Variants in RUNX2 observed in about 807,000 individuals in gnomAD.
RUNX2 encodes the protein RUNX family transcription factor 2, also known as runt-related transcription factor 2.
RUNX2 carries 10 observed loss-of-function variants against 51.7 expected under a neutral mutation model. The ratio of observed to expected loss-of-function variants is 0.19; its 90% confidence interval spans 0.12 to 0.33. The LOEUF (loss-of-function observed/expected upper bound fraction) is 0.33. Among genes scored for constraint, RUNX2 ranks in the 10% least tolerant of loss-of-function variants. The pLI is 1.00. For missense variants in RUNX2, 562 were observed against 691.3 expected (o/e 0.81, Z 2.10); for synonymous variants, 276 against 273.6 (o/e 1.01, Z -0.09).
At chr6:45,384,772 C>T (rs2150344051) in intron 2 of RUNX2, among the ~76,000 whole-genome samples, 1 of 129,030 alleles carries the variant, frequency 7.8e-6, no homozygotes, top group Non-Finnish European at 1.5e-5. Flanking sequence ...GACTGGAGTG[C>T]AGTGGCACAA....
At chr6:45,438,287 T>C (rs1247155750) in intron 5 of RUNX2, among the ~76,000 whole-genome samples, 1 of 152,174 alleles carries the variant, frequency 6.6e-6, no homozygotes, top group Non-Finnish European at 1.5e-5. Context: ...CTTTGGGAAA[T>C]GAGTGAATAA....
chr6:45,443,096 G>A (rs980544260), intron 5 of RUNX2, among the ~76,000 whole-genome samples: 1 of 144,638 alleles, frequency 6.9e-6, no homozygotes, highest in Non-Finnish European at 1.5e-5. Context: ...ATCCAGGCTG[G>A]AGTACAGTGC....
At chr6:45,518,642 T>G (rs1801406605) in intron 7 of RUNX2, among the ~76,000 whole-genome samples, 2 of 152,212 alleles carry the variant, frequency 1.3e-5, no homozygotes, top group Admixed American at 6.5e-5. Context: ...TTGACTCTGA[T>G]TTTTTACATG....
intron 5 of RUNX2, among the ~76,000 whole-genome samples, chr6:45,444,404 G>A (rs1183215179): frequency 6.6e-6 from 1 of 152,204 alleles, no homozygotes; most frequent in Non-Finnish European, 1.5e-5. Context: ...GAGAAGCTCT[G>A]CCTTTTTCCC....
chr6:45,496,129 C>T (rs572701839), intron 6 of RUNX2, among the ~76,000 whole-genome samples: 67 of 152,000 alleles, frequency 4.4e-4, no homozygotes, highest in Middle Eastern at 3.4e-3. Context: ...CAGAAAGCGG[C>T]GATAGCAATA....
chr6:45,539,098 A>C (rs960382263), intron 7 of RUNX2, among the ~76,000 whole-genome samples: 2 of 151,878 alleles, frequency 1.3e-5, no homozygotes, highest in Non-Finnish European at 2.9e-5. Context: ...ACACTCACTC[A>C]CACATCTACT....
At chr6:45,401,670 A>G (rs1797714807) in intron 2 of RUNX2, among the ~76,000 whole-genome samples, 1 of 152,246 alleles carries the variant, frequency 6.6e-6, no homozygotes, top group Non-Finnish European at 1.5e-5. Flanking sequence ...CAGAAGGCAA[A>G]GATTGTTTAT....
At chr6:45,405,769 A>C (rs1435957723) in intron 2 of RUNX2, among the ~76,000 whole-genome samples, 1 of 151,904 alleles carries the variant, frequency 6.6e-6, no homozygotes, top group East Asian at 1.9e-4. Context: ...CCTGGCCAAC[A>C]GAAGTGAAAA....
At chr6:45,335,960 T>C (rs1281437791) in intron 2 of RUNX2, among the ~76,000 whole-genome samples, 2 of 151,304 alleles carry the variant, frequency 1.3e-5, no homozygotes, top group South Asian at 2.1e-4. Flanking sequence ...CCTATGGAGA[T>C]ACTACTTACA....
intron 8 of RUNX2, among the ~76,000 whole-genome samples, chr6:45,546,320 T>C (rs1274868039): frequency 2.0e-5 from 3 of 152,182 alleles, no homozygotes; most frequent in South Asian, 2.1e-4. Context: ...GATAGGAACA[T>C]GATAGGATAT....
intron 2 of RUNX2, among the ~76,000 whole-genome samples, chr6:45,333,341 G>A (rs1333743215): frequency 2.6e-5 from 4 of 151,538 alleles, no homozygotes. Context: ...ACATACACAT[G>A]AAACAGACCA....
At chr6:45,489,031 T>A (rs1800373067) in intron 5 of RUNX2, among the ~76,000 whole-genome samples, 1 of 152,202 alleles carries the variant, frequency 6.6e-6, no homozygotes, top group Non-Finnish European at 1.5e-5. Flanking sequence ...TTGTCATAGT[T>A]GAAATGTGAA....
In RUNX2 at chr6:45,422,642, C is replaced by T. The variant is rs1293586153; in HGVS notation, c.108C>T (p.Pro36=). 1.9e-6 allele frequency: 3 copies of T among 1,606,300 alleles called. No individual in the cohort carries two copies. Among genetic ancestry groups the T allele is most frequent in the South Asian group, 1.1e-5 (1 of 89,760 alleles). The stretch of plus-strand genomic sequence containing the variant: ...GCCCCCCCTCCAGCAGCCTGCAGCC[C>T]GGCAAAATGAGCGACGTGAGCCCGG... The part of the protein sequence containing the change: ...RFSPPSSSLQ[P]GKMSDVSPVV... Residue 36 remains proline (P), a synonymous_variant, in exon 3 of 9, where the codon CCC becomes CCT. Transcript: ENST00000647337.
intron 7 of RUNX2, among the ~76,000 whole-genome samples, chr6:45,531,497 G>A (rs984961655): frequency 2.6e-5 from 4 of 152,218 alleles, no homozygotes; most frequent in African/African-American, 9.6e-5. Flanking sequence ...GCTCACACCT[G>A]TAATCCCAGC....
At chr6:45,482,937 T>C (rs148152755) in intron 5 of RUNX2, among the ~76,000 whole-genome samples, 1 of 152,176 alleles carries the variant, frequency 6.6e-6, no homozygotes, top group Non-Finnish European at 1.5e-5. Context: ...TATGTGGTAG[T>C]GATTATGATT....
At chr6:45,384,730 T>C (rs1330166252) in intron 2 of RUNX2, among the ~76,000 whole-genome samples, 1 of 147,148 alleles carries the variant, frequency 6.8e-6, no homozygotes, top group East Asian at 1.9e-4. Context: ...TTTTTTTTTT[T>C]TTTTAAAGAC....
intron 5 of RUNX2, among the ~76,000 whole-genome samples, chr6:45,452,182 C>T (rs1359054147): frequency 6.6e-6 from 1 of 152,164 alleles, no homozygotes; most frequent in African/African-American, 2.4e-5. Context: ...CTGTTCCTCC[C>T]TATGGGGAGA....
rs746428772 is a variant in RUNX2 at position 45,438,068 on chromosome 6, T to C, written c.685+17T>C. On this transcript the variant is annotated intron_variant, in intron 5 of 8. Coordinates refer to ENST00000647337, the MANE Select transcript of RUNX2 (RefSeq NM_001024630.4). ...AACCCAGAAGTAAGTACTCCCCTTT[T>C]TATTGAAGAAAGTAATAGAGTTTCC... 9 of 1,463,638 alleles carry C rather than the reference T, an allele frequency of 6.1e-6. No homozygotes were observed. In the East Asian group the frequency reaches 1.8e-4, roughly 29 times the overall value. 90.7% of individuals were successfully genotyped at this position (1,463,638 alleles called of 1,614,324 possible).
intron 6 of RUNX2, among the ~76,000 whole-genome samples, chr6:45,493,405 T>C (rs984989894): frequency 2.0e-5 from 3 of 152,270 alleles, no homozygotes; most frequent in East Asian, 3.9e-4. Flanking sequence ...TTGATAAAAA[T>C]ACAAGAGTAA....
Sources: gnomAD v4.1 joint callset for allele counts (sites outside exome capture counted in the v4.1 genomes callset) on GRCh38, gnomAD v4.1.1 for gene constraint, MANE v1.5 for transcripts, NCBI Gene and HGNC (gene_info 2026-07-23, HGNC 2026-07-21) for gene names.